Variants in ZDHHC5 observed in about 807,000 individuals in gnomAD.
ZDHHC5 encodes zDHHC palmitoyltransferase 5, also known as palmitoyltransferase ZDHHC5.
In ZDHHC5, 22 loss-of-function variants were observed where a neutral mutation model predicts 70.0. That is an observed-to-expected ratio of 0.31 (90% CI 0.22 to 0.45). The LOEUF is 0.45. Ranked by LOEUF, ZDHHC5 falls within the 20% of genes least tolerant of loss-of-function variation. ZDHHC5 has a pLI of 1.00. For synonymous variants in ZDHHC5, 313 were observed against 347.8 expected (o/e 0.90, Z 1.11); for missense variants, 746 against 926.9 (o/e 0.80, Z 2.53).
chr11:57,698,538 C>G, intron 10 of ZDHHC5, 21 bp from the exon 11 acceptor site: 1 of 1,569,552 alleles, frequency 6.4e-7, no homozygotes, highest in Non-Finnish European at 8.6e-7. Context: ...CACTAAGAGC[C>G]TGCTTTACTT....
chr11:57,677,123 G>A (rs1177409580), intron 2 of ZDHHC5, among the ~76,000 whole-genome samples: 2 of 150,800 alleles, frequency 1.3e-5, no homozygotes, highest in Admixed American at 6.6e-5. Flanking sequence ...GGGTTTCACC[G>A]TGTTAGCCAG....
chr11:57,668,445 G>C (rs965926649), intron 1 of ZDHHC5: 1 of 153,050 alleles, frequency 6.5e-6, no homozygotes, highest in Non-Finnish European at 1.5e-5. Flanking sequence ...CGCGGTCCCC[G>C]GTGCCTGGCG....
intron 2 of ZDHHC5, 42 bp downstream of exon 2, chr11:57,673,236 T>TC: frequency 1.3e-6 from 2 of 1,593,310 alleles, no homozygotes; most frequent in Non-Finnish European, 1.7e-6. Flanking sequence ...GGGTGGATAC[T>TC]CCATGGGAAG....
chr11:57,693,962 C>A, intron 8 of ZDHHC5, 47 bp downstream of exon 8: 1 of 1,560,574 alleles, frequency 6.4e-7, no homozygotes, highest in South Asian at 1.2e-5. Context: ...AAGTCTCACC[C>A]AAGGCAAAGA....
At chr11:57,684,066 CT>C (rs11337885) in intron 3 of ZDHHC5, among the ~76,000 whole-genome samples, 41,365 of 150,914 alleles carry the variant, frequency 0.27, 6,726 homozygotes, top group East Asian at 0.79. Flanking sequence ...TGACCCCCCC[CT>C]GGCTCAGGTG....
rs755434833 is a variant in ZDHHC5 at position 57,698,566 on chromosome 11, G to T, written c.1130G>T (p.Arg377Leu). The change falls in exon 11 of 12, where the codon CGT (arginine) becomes CTT (leucine). Residue 377 changes from arginine to leucine, a missense_variant. Arg to Leu is a moderately radical substitution (Grantham distance 102, BLOSUM62 -2). Around this residue, in one of 6 missense-constraint regions of ZDHHC5, gnomAD observed 179 missense variants for 178.4 expected, o/e 1.00. Transcript: ENST00000287169. Reference sequence around the variant, plus strand: ...CTTTACTTTCTTCCTCAGTTGAGTCGTGGGGACAGCTTGAAGGAGCCAACC... The same window carrying T: ...CTTTACTTTCTTCCTCAGTTGAGTCTTGGGGACAGCTTGAAGGAGCCAACC... Reference protein sequence around the residue: ...MPHSSSAKLSRGDSLKEPTSI... With the variant: ...MPHSSSAKLSLGDSLKEPTSI... The T allele has an allele frequency of 4.4e-6, 7 of 1,604,432 alleles. No individual in the cohort carries two copies. Among genetic ancestry groups the T allele is most frequent in the African/African-American group, 1.3e-5 (1 of 74,680 alleles).
intron 1 of ZDHHC5, among the ~76,000 whole-genome samples, chr11:57,671,432 C>A (rs571930726): frequency 6.6e-6 from 1 of 152,282 alleles, no homozygotes; most frequent in South Asian, 2.1e-4. Flanking sequence ...TATTCAGTTT[C>A]TCATAGAGGG....
intron 11 of ZDHHC5, 124 bp downstream of exon 11, chr11:57,699,542 T>C (rs1946412634): frequency 7.1e-7 from 1 of 1,399,576 alleles, no homozygotes; most frequent in Admixed American, 2.5e-5. Context: ...TGGTAGCTCT[T>C]TATTTTCACT....
intron 2 of ZDHHC5, among the ~76,000 whole-genome samples, chr11:57,673,658 C>T (rs1348505520): frequency 1.3e-5 from 2 of 152,154 alleles, no homozygotes; most frequent in South Asian, 4.1e-4. Flanking sequence ...GCAACGTCCG[C>T]CTCCCAAGTT....
chr11:57,684,760 T>G (rs1448126898), intron 3 of ZDHHC5, among the ~76,000 whole-genome samples: 1 of 152,218 alleles, frequency 6.6e-6, no homozygotes, highest in Non-Finnish European at 1.5e-5. Flanking sequence ...TTGTCACTGA[T>G]GACATGTAGT....
intron 6 of ZDHHC5, among the ~76,000 whole-genome samples, 162 bp downstream of exon 6, chr11:57,690,599 T>C (rs1946271436): frequency 6.6e-6 from 1 of 152,210 alleles, no homozygotes; most frequent in South Asian, 2.1e-4. Context: ...TAGTTCCTCA[T>C]GTAAGTGTAG....
chr11:57,676,908 G>GTTT (rs1421559800), intron 2 of ZDHHC5, among the ~76,000 whole-genome samples: 2 of 111,862 alleles, frequency 1.8e-5, no homozygotes, highest in African/African-American at 8.1e-5. Context: ...TGCTTCACGT[G>GTTT]ATTTTTTTTT....
rs555777289 is a variant in ZDHHC5, at chr11:57,700,644, G to C, written c.*613G>C. On this transcript the variant is annotated 3_prime_UTR_variant, in exon 12 of 12. Transcript: ENST00000287169. ...TGGTGCTAAGTGTGATTAGGAAGAA[G>C]CCTGGGGAGAGGTGAGTCTGGAATT... The C allele has an allele frequency of 6.6e-6, 1 of 152,490 alleles. No homozygotes were observed. The highest frequency in any genetic ancestry group is 2.4e-5 in the African/African-American group (1 of 41,396). The allele number at this position is 152,490 out of a possible 1,614,324, so 9.4% of individuals were successfully genotyped here.
intron 2 of ZDHHC5, among the ~76,000 whole-genome samples, chr11:57,675,483 A>G (rs1371595078): frequency 6.6e-6 from 1 of 152,096 alleles, no homozygotes; most frequent in East Asian, 1.9e-4. Flanking sequence ...TCCTTATTCC[A>G]TGGTCTCTTA....
At position 57,690,093 on chromosome 11, in the gene ZDHHC5, T is replaced by C; in HGVS notation, c.447T>C (p.Phe149=). ...TTGGTCGCCGGAACTACCGTTATTT[T>C]TTCCTTTTCCTCCTTTCCCTGACAG... ...NCIGRRNYRY[F]FLFLLSLTAH... Residue 149 remains phenylalanine (F), a synonymous_variant, in exon 5 of 12, where the codon TTT becomes TTC. Transcript: ENST00000287169. 1 of 1,614,156 alleles carries C rather than the reference T, an allele frequency of 6.2e-7. No homozygotes were observed.
intron 8 of ZDHHC5, 119 bp downstream of exon 8, chr11:57,694,034 T>C: frequency 1.5e-6 from 2 of 1,340,432 alleles, no homozygotes; most frequent in Non-Finnish European, 9.8e-7. Flanking sequence ...AGAGTCTTGC[T>C]CTGTTGCCCA....
In ZDHHC5 at chr11:57,698,926, A is replaced by C. The variant is rs1460942772; in HGVS notation, c.1490A>C (p.Tyr497Ser). ...CCTGAGCCAGACCCACCTTTAGGCT[A>C]TACCTCTCCCTTCCTGTCAGCCAGG... ...AGPEPDPPLG[Y>S]TSPFLSARLA... The change falls in exon 11 of 12, where the codon TAT (tyrosine) becomes TCT (serine). Residue 497 changes from tyrosine to serine, a missense_variant. Physicochemically the swap from Tyr to Ser is moderately radical, Grantham distance 144. Around this residue, in one of 6 missense-constraint regions of ZDHHC5, gnomAD observed 340 missense variants for 350.1 expected, o/e 0.97. Coordinates refer to ENST00000287169, the MANE Select transcript of ZDHHC5 (RefSeq NM_015457.3). 1 of 1,614,070 alleles carries C rather than the reference A, an allele frequency of 6.2e-7. No homozygotes were observed. The highest frequency in any genetic ancestry group is 8.5e-7 in the Non-Finnish European group (1 of 1,180,022).
rs747113542 is a variant in ZDHHC5, at chr11:57,696,798, T to C, written c.1047T>C (p.Pro349=). 3 of 1,614,022 alleles carry C rather than the reference T, an allele frequency of 1.9e-6. No homozygotes were observed. The South Asian group carries it at 3.3e-5, about 18-fold the overall frequency. The change falls in exon 10 of 12, where the codon CCT becomes CCC. Residue 349 remains proline, a synonymous_variant. Transcript: ENST00000287169. ...TGGCCAAGGACAGCCCCCCGACACC[T>C]ACCATGTACAAGTATCGGCCGGGTT... ...SLLAKDSPPT[P]TMYKYRPGYS...
At chr11:57,685,765 C>T (rs755378336) in intron 3 of ZDHHC5, among the ~76,000 whole-genome samples, 12 of 152,112 alleles carry the variant, frequency 7.9e-5, no homozygotes, top group African/African-American at 1.7e-4. Flanking sequence ...CCGTGACTCA[C>T]GCCTGTAATC....
Sources: gnomAD v4.1 joint callset for allele counts (sites outside exome capture counted in the v4.1 genomes callset) on GRCh38, gnomAD v4.1.1 for gene constraint, gnomAD v4.1.1 regional missense constraint, MANE v1.5 for transcripts, NCBI Gene and HGNC (gene_info 2026-07-23, HGNC 2026-07-21) for gene names.